Variants in PAIP2B observed in about 807,000 individuals in gnomAD.
PAIP2B encodes the protein poly(A) binding protein interacting protein 2B.
A neutral mutation model predicts 17.0 loss-of-function variants in PAIP2B; 13 were observed. That is an observed-to-expected ratio of 0.76 (90% CI 0.50 to 1.22). PAIP2B has a LOEUF of 1.22. Ranked by LOEUF, PAIP2B falls within the 50% of genes most tolerant of loss-of-function variation. PAIP2B has a pLI of 0.00. For missense variants in PAIP2B, 117 were observed against 144.5 expected (o/e 0.81, Z 0.98); for synonymous variants, 43 against 48.7 (o/e 0.88, Z 0.48).
At chr2:71,197,800 G>A (rs922876142) in intron 2 of PAIP2B, among the ~76,000 whole-genome samples, 8 of 152,106 alleles carry the variant, frequency 5.3e-5, no homozygotes, top group Non-Finnish European at 8.8e-5. Flanking sequence ...GAAAACTCCC[G>A]TTTTTAAAAC....
At chr2:71,202,349 AG>A (rs775951480) in intron 2 of PAIP2B, 102 bp downstream of exon 2, 99 of 1,429,150 alleles carry the variant, frequency 6.9e-5, no homozygotes, top group Non-Finnish European at 8.4e-5. Context: ...GTTATTCTAA[AG>A]CTAACTGTAT....
In PAIP2B at chr2:71,184,104, G is replaced by C. The variant is rs188084248; in HGVS notation, c.*4375C>G. On this transcript the variant is annotated 3_prime_UTR_variant, in exon 4 of 4. Transcript: ENST00000244221. ...TTTAGTAACTGTACACTAGTACAAT[G>C]TTTTTAAGATTTTATCTCATTTTTG... is the stretch of plus-strand genomic sequence containing the variant. The C allele has an allele frequency of 6.6e-6, 1 of 152,252 alleles. No homozygotes were observed. The highest frequency in any genetic ancestry group is 2.4e-5 in the African/African-American group (1 of 41,546). 9.4% of individuals were successfully genotyped at this position (152,252 alleles called of 1,614,324 possible).
chr2:71,201,149 C>A (rs576461795), intron 2 of PAIP2B, among the ~76,000 whole-genome samples: 2 of 152,182 alleles, frequency 1.3e-5, no homozygotes, highest in African/African-American at 4.8e-5. Context: ...CACAGCTGAC[C>A]CACAGCTCAG....
In PAIP2B at chr2:71,189,981, C is replaced by A; in HGVS notation, c.179G>T (p.Cys60Phe). ...TTCTTCATCCAGCATCTCTTGGAAGCAGCGGTCCAAGAAGTCTTGCTCCTG... is the reference window on the plus strand; with the variant it reads ...TTCTTCATCCAGCATCTCTTGGAAGAAGCGGTCCAAGAAGTCTTGCTCCTG... ...ELQEQDFLDR[C>F]FQEMLDEEDQ... The change falls in exon 3 of 4, where the codon TGC becomes TTC. Residue 60 changes from cysteine (C) to phenylalanine (F), a missense_variant. Cys to Phe is a radical substitution (Grantham distance 205). Transcript: ENST00000244221. The A allele has an allele frequency of 6.2e-7, 1 of 1,612,526 alleles. No individual in the cohort carries two copies. Among genetic ancestry groups the A allele is most frequent in the Non-Finnish European group, 8.5e-7 (1 of 1,179,384 alleles).
Position 71,186,552 on chromosome 2 carries a change from T to C in PAIP2B, c.*1927A>G, listed in dbSNP as rs1157317089. 6.6e-6 allele frequency: 1 copy of C among 152,242 alleles called. No individual in the cohort carries two copies. Among genetic ancestry groups the C allele is most frequent in the African/African-American group, 2.4e-5 (1 of 41,466 alleles). The allele number at this position is 152,242 out of a possible 1,614,324, so 9.4% of individuals were successfully genotyped here. The stretch of plus-strand genomic sequence containing the variant: ...CTAACAGCCTTCGGAATTCTGAGCT[T>C]GGACAGGCTCACGAGGATGAAGGAG... On this transcript the variant is annotated 3_prime_UTR_variant, in exon 4 of 4. Transcript: ENST00000244221.
Position 71,185,975 on chromosome 2 carries a change from C to G in PAIP2B, c.*2504G>C, listed in dbSNP as rs1295453718. The G allele has an allele frequency of 6.6e-6, 1 of 152,216 alleles. No homozygotes were observed. The highest frequency in any genetic ancestry group is 1.5e-5 in the Non-Finnish European group (1 of 68,048). 9.4% of individuals were successfully genotyped at this position (152,216 alleles called of 1,614,324 possible). ...TAGAAATACATGTTCCATTTCTATA[C>G]AAATTCTCAAACTTCTAGTTGCCAA... On this transcript the variant is annotated 3_prime_UTR_variant, in exon 4 of 4. Coordinates refer to ENST00000244221, the MANE Select transcript of PAIP2B (RefSeq NM_020459.1).
At chr2:71,226,741 C>T (rs1345592615) in intron 1 of PAIP2B, among the ~76,000 whole-genome samples, 187 bp downstream of exon 1, 1 of 152,174 alleles carries the variant, frequency 6.6e-6, no homozygotes, top group African/African-American at 2.4e-5. Flanking sequence ...CAGCGGACGC[C>T]CCTTTTCGCC....
chr2:71,201,944 T>C (rs1040849177), intron 2 of PAIP2B, among the ~76,000 whole-genome samples: 2 of 152,236 alleles, frequency 1.3e-5, no homozygotes, highest in Admixed American at 1.3e-4. Flanking sequence ...AAGGGTTTTA[T>C]GTCAATCCTC....
At chr2:71,193,135 T>C (rs1328313961) in intron 2 of PAIP2B, among the ~76,000 whole-genome samples, 1 of 152,214 alleles carries the variant, frequency 6.6e-6, no homozygotes, top group African/African-American at 2.4e-5. Context: ...ATAGCCATTC[T>C]GACTGGTGTG....
intron 1 of PAIP2B, among the ~76,000 whole-genome samples, chr2:71,218,960 G>A (rs1022472958): frequency 2.1e-5 from 3 of 146,278 alleles, no homozygotes; most frequent in African/African-American, 7.6e-5. Flanking sequence ...CTGTCACCTA[G>A]GCTGGAGTGC....
chr2:71,218,666 C>T (rs905514985), intron 1 of PAIP2B, among the ~76,000 whole-genome samples: 2 of 152,032 alleles, frequency 1.3e-5, no homozygotes, highest in Non-Finnish European at 2.9e-5. Flanking sequence ...AATGCTTGCT[C>T]AAGTCCATTA....
At chr2:71,212,053 G>A (rs943383440) in intron 1 of PAIP2B, among the ~76,000 whole-genome samples, 1 of 152,046 alleles carries the variant, frequency 6.6e-6, no homozygotes, top group Non-Finnish European at 1.5e-5. Context: ...CTATTAATGG[G>A]GGAAATATTG....
At chr2:71,208,702 G>T (rs917273836) in intron 1 of PAIP2B, among the ~76,000 whole-genome samples, 1 of 152,160 alleles carries the variant, frequency 6.6e-6, no homozygotes, top group Non-Finnish European at 1.5e-5. Flanking sequence ...AGATCATCCT[G>T]AATTATTCAG....
intron 1 of PAIP2B, among the ~76,000 whole-genome samples, chr2:71,205,655 T>A (rs1675106112): frequency 6.6e-6 from 1 of 152,200 alleles, no homozygotes; most frequent in Non-Finnish European, 1.5e-5. Context: ...TGTTTCCAGC[T>A]CTTCCCCAGC....
At chr2:71,211,618 A>AG (rs1415849880) in intron 1 of PAIP2B, among the ~76,000 whole-genome samples, 7 of 151,894 alleles carry the variant, frequency 4.6e-5, no homozygotes, top group Non-Finnish European at 7.4e-5. Context: ...AAAAAAAAAA[A>AG]ATGGCCATGT....
intron 1 of PAIP2B, among the ~76,000 whole-genome samples, chr2:71,222,659 C>G (rs1342859824): frequency 6.6e-6 from 1 of 152,220 alleles, no homozygotes; most frequent in Non-Finnish European, 1.5e-5. Flanking sequence ...GTGTGTGCCT[C>G]TTTCTTGCAA....
intron 1 of PAIP2B, among the ~76,000 whole-genome samples, chr2:71,217,621 T>C (rs1047799959): frequency 6.6e-6 from 1 of 152,230 alleles, no homozygotes; most frequent in Non-Finnish European, 1.5e-5. Context: ...GGTAGGCACA[T>C]TGTGTTACCT....
intron 1 of PAIP2B, among the ~76,000 whole-genome samples, chr2:71,218,990 A>T (rs1356277882): frequency 1.4e-5 from 2 of 146,538 alleles, no homozygotes; most frequent in East Asian, 4.0e-4. Flanking sequence ...ATCTTGGCTC[A>T]CTGCAAGCTC....
chr2:71,188,699 C>T (rs1223814911), intron 3 of PAIP2B, among the ~76,000 whole-genome samples, 164 bp from the exon 4 acceptor site: 2 of 152,210 alleles, frequency 1.3e-5, no homozygotes, highest in African/African-American at 2.4e-5. Flanking sequence ...CCTGACATAG[C>T]CCTGAGCAAG....
Sources: allele counts gnomAD v4.1 joint callset (sites outside exome capture counted in the v4.1 genomes callset), GRCh38; gene constraint gnomAD v4.1.1; transcripts MANE v1.5; gene names NCBI Gene and HGNC (gene_info 2026-07-23, HGNC 2026-07-21).